SUPT7L: variants seen among roughly 807,000 people sequenced by gnomAD.
SUPT7L encodes SPT7 like, STAGA complex subunit gamma, also known as STAGA complex 65 subunit gamma.
SUPT7L carries 15 observed loss-of-function variants against 35.7 expected under a neutral mutation model. That is an observed-to-expected ratio of 0.42 (90% CI 0.28 to 0.65). The LOEUF is 0.65. Among genes scored for constraint, SUPT7L ranks in the 30% least tolerant of loss-of-function variants. SUPT7L has a pLI of 0.23. For missense variants in SUPT7L, 434 were observed against 522.2 expected, an observed-to-expected ratio of 0.83 and a Z score of 1.65; for synonymous variants, 168 against 186.2, an observed-to-expected ratio of 0.90 and a Z score of 0.79.
Position 27,653,532 on chromosome 2 carries a change from A to T in SUPT7L, c.1198T>A (p.Ser400Thr). 2 of 1,614,152 alleles carry T rather than the reference A, an allele frequency of 1.2e-6. No homozygotes were observed. The highest frequency in any genetic ancestry group is 1.7e-6 in the Non-Finnish European group (2 of 1,180,028). ...TTGCAGCGCTGGTTGAAAACAGGGG[A>T]GGACCCCATGAGGCTGTCAGTGGAG... ...SHSTDSLMGSSPVFNQRCKKR... is the reference protein window; with the variant it reads ...SHSTDSLMGSTPVFNQRCKKR... Residue 400 changes from serine (S) to threonine (T), a missense_variant, in exon 6 of 6, where the codon TCC (serine) becomes ACC (threonine). Ser to Thr is a moderately conservative substitution (Grantham distance 58). Coordinates refer to ENST00000337768, the MANE Select transcript of SUPT7L (RefSeq NM_014860.3).
Position 27,662,293 on chromosome 2 carries a change from A to C in SUPT7L, c.-89-12T>G, listed in dbSNP as rs1675149078. 2.3e-6 allele frequency: 3 copies of C among 1,294,420 alleles called. No individual in the cohort carries two copies. The highest frequency in any genetic ancestry group is 3.4e-6 in the Non-Finnish European group (3 of 890,944). The allele number at this position is 1,294,420 out of a possible 1,614,324, so 80.2% of individuals were successfully genotyped here. On this transcript the variant is annotated splice_polypyrimidine_tract_variant and intron_variant, in intron 1 of 5. Coordinates refer to ENST00000337768, the MANE Select transcript of SUPT7L (RefSeq NM_014860.3). ...GTGAGATCCTTGCCCTGAAGTGAGG[A>C]AGAGAAACAGAAGCAGAATATTTCA...
intron 3 of SUPT7L, 89 bp downstream of exon 3, chr2:27,660,895 G>T (rs1018836981): frequency 9.0e-6 from 13 of 1,443,186 alleles, no homozygotes; most frequent in Non-Finnish European, 1.2e-5. Context: ...CAGTTTCCTC[G>T]CATGAAAATG....
intron 3 of SUPT7L, 117 bp downstream of exon 3, chr2:27,660,867 G>A: frequency 2.2e-6 from 3 of 1,358,034 alleles, no homozygotes; most frequent in Non-Finnish European, 2.9e-6. Flanking sequence ...CCTTGGCCAA[G>A]TCAATTACTC....
the SUPT7L span, among the ~76,000 whole-genome samples, chr2:27,643,935 T>A: frequency 1.6e-3 from 248 of 152,316 alleles, no homozygotes; most frequent in African/African-American, 5.6e-3. The surrounding 1 kb of genome is among the most constrained non-coding windows in gnomAD (Gnocchi z 4.0). Context: ...TCCCAGCATT[T>A]TGGGAGGCCG....
chr2:27,657,295 TC>T lies in SUPT7L; in HGVS notation c.744+49del. 1 of 1,580,574 alleles carries T rather than the reference TC, an allele frequency of 6.3e-7. No individual in the cohort carries two copies. The highest frequency in any genetic ancestry group is 8.6e-7 in the Non-Finnish European group (1 of 1,160,136). On this transcript the variant is annotated intron_variant, in intron 4 of 5. Transcript: ENST00000337768. The surrounding 1 kb of genome is among the most constrained non-coding windows in gnomAD (Gnocchi z 5.2). ...AGTGTTGTGGGATCCTGCTGAACAC[TC>T]CGAGATTGCACAGACATCTGTGCCC...
At chr2:27,653,806 CAA>C in intron 5 of SUPT7L, 59 bp from the exon 6 acceptor site, 1 of 1,600,000 alleles carries the variant, frequency 6.3e-7, no homozygotes, top group Non-Finnish European at 8.5e-7. Context: ...AAGTGTAGAA[CAA>C]AGAGTAAATA....
At position 27,655,621 on chromosome 2, in the gene SUPT7L, C is replaced by T. The variant is rs1674764853; in HGVS notation, c.745-19G>A. 1 of 1,543,222 alleles carries T rather than the reference C, an allele frequency of 6.5e-7. No homozygotes were observed. The highest frequency in any genetic ancestry group is 1.4e-5 in the African/African-American group (1 of 72,328). On this transcript the variant is annotated intron_variant, in intron 4 of 5. Transcript: ENST00000337768. The stretch of plus-strand genomic sequence containing the variant: ...TACTAATCTGTTGGCAAGCAAGAGT[C>T]AATTTTCCAAGGAAATGTTAAAAGC...
Position 27,652,549 on chromosome 2 carries a change from A to G in SUPT7L, c.*936T>C, listed in dbSNP as rs1209386272. 6.6e-6 allele frequency: 1 copy of G among 152,636 alleles called. No individual in the cohort carries two copies. Among genetic ancestry groups the G allele is most frequent in the Non-Finnish European group, 1.5e-5 (1 of 68,042 alleles). 9.5% of individuals were successfully genotyped at this position (152,636 alleles called of 1,614,324 possible). A position where few individuals can be genotyped will look rare whatever the true frequency, so the allele number is the denominator to read the frequency against. ...TATACAGATAGTCTGATGGATGAGT[A>G]ACCACAGTGATGTTGTTCAGGACAT... On this transcript the variant is annotated 3_prime_UTR_variant, in exon 6 of 6. Coordinates refer to ENST00000337768, the MANE Select transcript of SUPT7L (RefSeq NM_014860.3).
rs1050273481 is a variant in SUPT7L, at chr2:27,651,929, T to C, written c.*1556A>G. On this transcript the variant is annotated 3_prime_UTR_variant, in exon 6 of 6. Transcript: ENST00000337768. ...TGGGAGCCCGAGGCGGGCAGATCAC[T>C]TGAGGTCAGGAGTTTTGAGACCAGC... is the stretch of plus-strand genomic sequence containing the variant. 6.6e-6 allele frequency: 1 copy of C among 152,194 alleles called. No individual in the cohort carries two copies. Among genetic ancestry groups the C allele is most frequent in the Non-Finnish European group, 1.5e-5 (1 of 68,064 alleles). The allele number at this position is 152,194 out of a possible 1,614,324, so 9.4% of individuals were successfully genotyped here.
At chr2:27,645,115 G>A in the SUPT7L span, among the ~76,000 whole-genome samples, 3 of 152,038 alleles carry the variant, frequency 2.0e-5, no homozygotes, top group African/African-American at 7.2e-5. Flanking sequence ...CTACAGGTGT[G>A]TGCCACCACG....
At chr2:27,646,996 G>C (rs1377697660), downstream of SUPT7L, among the ~76,000 whole-genome samples, 1 of 152,248 alleles carries the variant, frequency 6.6e-6, no homozygotes, top group Non-Finnish European at 1.5e-5. Flanking sequence ...CAGCTAACCT[G>C]TTGAAGGTTG....
chr2:27,654,347 C>G (rs1274339774), intron 5 of SUPT7L, among the ~76,000 whole-genome samples: 1 of 152,192 alleles, frequency 6.6e-6, no homozygotes, highest in Non-Finnish European at 1.5e-5. Flanking sequence ...GTGAAAGGCT[C>G]TCTGCCCAAC....
downstream of SUPT7L, chr2:27,647,943 G>A: frequency 6.4e-7 from 1 of 1,571,472 alleles, no homozygotes; most frequent in Non-Finnish European, 8.8e-7. Context: ...TGACCACAGA[G>A]GTGAGAGGTG....
chr2:27,642,658 G>A, the SUPT7L span: 1 of 580,282 alleles, frequency 1.7e-6, no homozygotes, highest in South Asian at 2.0e-5. Flanking sequence ...CCACCTCCCA[G>A]GTTCAAGCAG....
chr2:27,643,654 T>C, the SUPT7L span, among the ~76,000 whole-genome samples: 1 of 152,234 alleles, frequency 6.6e-6, no homozygotes, highest in South Asian at 2.1e-4. The surrounding 1 kb of genome is among the most constrained non-coding windows in gnomAD (Gnocchi z 4.0). Context: ...TCTGACTTTG[T>C]ATTTCATGAC....
intron 3 of SUPT7L, among the ~76,000 whole-genome samples, chr2:27,660,319 G>A (rs1675038914): frequency 6.6e-6 from 1 of 151,736 alleles, no homozygotes; most frequent in Non-Finnish European, 1.5e-5. Flanking sequence ...CCTCCCCTGG[G>A]TTCAAGTGAT....
In SUPT7L at chr2:27,662,409, T is replaced by C. The variant is rs376013678; in HGVS notation, c.-89-128A>G. On this transcript the variant is annotated intron_variant, in intron 1 of 5. Coordinates refer to ENST00000337768, the MANE Select transcript of SUPT7L (RefSeq NM_014860.3). Reference sequence around the variant, plus strand: ...GAGCTTCCTGGGTGAAATGACTACCTTTGTTCTAACAACATTATACTACTC... The same window carrying C: ...GAGCTTCCTGGGTGAAATGACTACCCTTGTTCTAACAACATTATACTACTC... 554 of 536,906 alleles carry C rather than the reference T, an allele frequency of 1.0e-3. 2 individuals are homozygous for C. Among genetic ancestry groups the C allele is most frequent in the African/African-American group, 9.7e-3 (513 of 52,622 alleles). The allele number at this position is 536,906 out of a possible 1,614,324, so 33.3% of individuals were successfully genotyped here.
chr2:27,661,635 G>A (rs1310441145), intron 2 of SUPT7L: 1 of 1,356,240 alleles, frequency 7.4e-7, no homozygotes, highest in African/African-American at 1.5e-5. Context: ...ACTGTTAGAT[G>A]CTGGTTATTG....
chr2:27,655,474 C>T lies in SUPT7L; in HGVS notation c.873G>A (p.Leu291=). Reference sequence around the variant, plus strand: ...GGTCTCCAGAAGCAAGGTCAGCCTCCAGCTCCTCACTGACAGGAAAAGTGA... The same window carrying T: ...GGTCTCCAGAAGCAAGGTCAGCCTCTAGCTCCTCACTGACAGGAAAAGTGA... ...SDITFPVSEE[L]EADLASGDQS... The change falls in exon 5 of 6, where the codon CTG becomes CTA. Residue 291 remains leucine, a synonymous_variant. Coordinates refer to ENST00000337768, the MANE Select transcript of SUPT7L (RefSeq NM_014860.3). 6.2e-7 allele frequency: 1 copy of T among 1,614,160 alleles called. No homozygotes were observed.
Sources: gnomAD v4.1 joint callset for allele counts (sites outside exome capture counted in the v4.1 genomes callset) on GRCh38, gnomAD v4.1.1 for gene constraint, Gnocchi (gnomAD v3.1) non-coding constraint, MANE v1.5 for transcripts, NCBI Gene and HGNC (gene_info 2026-07-23, HGNC 2026-07-21) for gene names.